The following RSRP1 variants were observed in gnomAD, a reference collection of about 807,000 sequenced individuals.
RSRP1 encodes arginine/serine-rich protein 1.
Under a neutral mutation model 33.0 loss-of-function variants are expected in RSRP1, and 37 were observed. The observed-to-expected ratio is 1.12, with a 90% CI of 0.86 to 1.48. RSRP1 has a LOEUF of 1.48. Ranked by LOEUF, RSRP1 falls within the 40% of genes most tolerant of loss-of-function variation. RSRP1 has a pLI of 0.00. For synonymous variants in RSRP1, 167 were observed against 158.7 expected (o/e 1.05, Z -0.40); for missense variants, 402 against 385.3 (o/e 1.04, Z -0.36).
At chr1:25,259,384 T>C (rs536235708) in intron 1 of RSRP1, among the ~76,000 whole-genome samples, 51 of 152,276 alleles carry the variant, frequency 3.3e-4, no homozygotes, top group Middle Eastern at 6.8e-3. Flanking sequence ...TGAGCCACTG[T>C]GCCCGGCCTT....
intron 1 of RSRP1, among the ~76,000 whole-genome samples, chr1:25,276,555 A>C (rs1641011497): frequency 1.1e-5 from 1 of 88,224 alleles, no homozygotes; most frequent in Admixed American, 1.2e-4. Context: ...AAAAAAAAAA[A>C]CTTTAAAATT....
intron 1 of RSRP1, among the ~76,000 whole-genome samples, chr1:25,261,945 C>T (rs376279299): frequency 6.6e-6 from 1 of 150,924 alleles, no homozygotes; most frequent in Middle Eastern, 3.2e-3. Context: ...CTCCTGACCT[C>T]AAGTGATCCT....
In RSRP1 at chr1:25,242,373, C is replaced by T; in HGVS notation, c.*216G>A. On this transcript the variant is annotated 3_prime_UTR_variant, in exon 5 of 5. Coordinates refer to ENST00000243189, the MANE Select transcript of RSRP1 (RefSeq NM_020317.5). Reference sequence around the variant, plus strand: ...TACAACTATATACAAAAGACTCCCACCTGTGCATAACCTTTGGTCCATCTG... The same window carrying T: ...TACAACTATATACAAAAGACTCCCATCTGTGCATAACCTTTGGTCCATCTG... 1 of 368,808 alleles carries T rather than the reference C, an allele frequency of 2.7e-6. No homozygotes were observed. Among genetic ancestry groups the T allele is most frequent in the Non-Finnish European group, 4.9e-6 (1 of 203,418 alleles). 22.8% of individuals were successfully genotyped at this position (368,808 alleles called of 1,614,324 possible).
At position 25,268,878 on chromosome 1, in the gene RSRP1, G is replaced by A. The variant is rs942698615; in HGVS notation, c.-66-21849C>T. Among the ~76,000 whole-genome samples, 3 of 128,588 alleles carry A rather than the reference G, an allele frequency of 2.3e-5. 1 individual carries two copies. The highest frequency in any genetic ancestry group is 8.0e-5 in the African/African-American group (3 of 37,648). The allele number at this position is 128,588 out of a possible 152,430, so 84.4% of individuals were successfully genotyped here. A position where few individuals can be genotyped will look rare whatever the true frequency, so the allele number is the denominator to read the frequency against. On this transcript the variant is annotated intron_variant, in intron 1 of 1. Coordinates refer to the RSRP1 transcript ENST00000561867. ...CGGGAGAATCACTTGAACCTGGGAG[G>A]TGGAGGTTGCAGTGAGCCGAGATTG...
chr1:25,260,398 ATCTATCAAT>A (rs1420868596), intron 1 of RSRP1, among the ~76,000 whole-genome samples: 1 of 152,224 alleles, frequency 6.6e-6, no homozygotes, highest in African/African-American at 2.4e-5. Flanking sequence ...AAGAGAACCA[ATCTATCAAT>A]TACAAACTCA....
intron 1 of RSRP1, among the ~76,000 whole-genome samples, chr1:25,276,532 T>TAAAAAAAAA (rs557746335): frequency 6.2e-5 from 4 of 64,784 alleles, no homozygotes; most frequent in African/African-American, 2.9e-4. Flanking sequence ...CCCCCATCTC[T>TAAAAAAAAA]AAAAAAAAAA....
chr1:25,256,299 C>A (rs949175192), intron 1 of RSRP1, among the ~76,000 whole-genome samples: 2 of 152,042 alleles, frequency 1.3e-5, no homozygotes, highest in Non-Finnish European at 2.9e-5. Context: ...GGACTACAGG[C>A]ATGCGCCACT....
intron 1 of RSRP1, among the ~76,000 whole-genome samples, chr1:25,311,828 C>A (rs1644165564): frequency 7.6e-6 from 1 of 131,254 alleles, no homozygotes; most frequent in Non-Finnish European, 1.8e-5. Context: ...GCAGCATACA[C>A]ATGGCACTAA....
At chr1:25,257,487 CTTGGAG>C (rs1414236121) in intron 1 of RSRP1, among the ~76,000 whole-genome samples, 1 of 151,660 alleles carries the variant, frequency 6.6e-6, no homozygotes, top group Non-Finnish European at 1.5e-5. Context: ...TCTTAGCAAA[CTTGGAG>C]TTAGAAATGC....
In RSRP1 at chr1:25,282,492, T is replaced by A. The variant is rs1223175288; in HGVS notation, c.-66-35463A>T. Among the ~76,000 whole-genome samples, 10 of 132,096 alleles carry A rather than the reference T, an allele frequency of 7.6e-5. 2 individuals are homozygous for A. Among genetic ancestry groups the A allele is most frequent in the African/African-American group, 2.6e-4 (10 of 38,740 alleles). 86.7% of individuals were successfully genotyped at this position (132,096 alleles called of 152,430 possible). On this transcript the variant is annotated intron_variant, in intron 1 of 1. Coordinates refer to the RSRP1 transcript ENST00000561867. ...TCATGATCTGCCCACCTCATCCTCC[T>A]AAATTGGTATCTTTATATGTCCAAA... is the stretch of plus-strand genomic sequence containing the variant.
rs375047646 is a variant in RSRP1, at chr1:25,303,170, G to A, written c.-67+34808C>T. Reference sequence around the variant, plus strand: ...CATCATGTCCACTGATGAAGGACACGTAGCCCCAACACAGGGGAGAAGTGG... The same window carrying A: ...CATCATGTCCACTGATGAAGGACACATAGCCCCAACACAGGGGAGAAGTGG... On this transcript the variant is annotated intron_variant, in intron 1 of 1. Coordinates refer to the RSRP1 transcript ENST00000561867. 1.6e-5 allele frequency: 14 copies of A among 883,328 alleles called. 1 individual carries two copies. Among genetic ancestry groups the A allele is most frequent in the East Asian group, 1.5e-4 (6 of 40,178 alleles). The allele number at this position is 883,328 out of a possible 1,614,324, so 54.7% of individuals were successfully genotyped here.
chr1:25,255,335 T>C (rs1180850850), intron 1 of RSRP1, among the ~76,000 whole-genome samples: 1 of 152,348 alleles, frequency 6.6e-6, no homozygotes, highest in African/African-American at 2.4e-5. Flanking sequence ...TTTTTGCAAC[T>C]TTGACTCAAC....
At chr1:25,250,727 C>T (rs980889921), upstream of RSRP1, among the ~76,000 whole-genome samples, 1 of 152,052 alleles carries the variant, frequency 6.6e-6, no homozygotes, top group East Asian at 1.9e-4. Flanking sequence ...AATGTAGGGG[C>T]GGGCCAGGCG....
chr1:25,307,522 T>C (rs1643912234), intron 1 of RSRP1: 1 of 520,188 alleles, frequency 1.9e-6, no homozygotes, highest in South Asian at 2.1e-5. Context: ...TATTGACTGC[T>C]TTAAAAGTGT....
chr1:25,293,450 A>G lies in RSRP1; in HGVS notation c.-67+44528T>C, dbSNP rs373540084. Among the ~76,000 whole-genome samples, 12 of 130,384 alleles carry G rather than the reference A, an allele frequency of 9.2e-5. No individual in the cohort carries two copies. The East Asian group carries it at 1.8e-3, about 19-fold the overall frequency. 85.5% of individuals were successfully genotyped at this position (130,384 alleles called of 152,430 possible). On this transcript the variant is annotated intron_variant, in intron 1 of 1. Coordinates refer to the RSRP1 transcript ENST00000561867. ...CATTGTGCGGAAATAACAATTTATT[A>G]CTTATAGTTTTATATTTGTGGACAG... is the stretch of plus-strand genomic sequence containing the variant.
intron 1 of RSRP1, among the ~76,000 whole-genome samples, chr1:25,296,611 C>T (rs1642979903): frequency 7.6e-6 from 1 of 131,312 alleles, no homozygotes; most frequent in Non-Finnish European, 1.8e-5. Context: ...ATTGTAATCC[C>T]CACGTGTTGA....
At chr1:25,336,835 TA>T (rs1645084250) in intron 1 of RSRP1, among the ~76,000 whole-genome samples, 1 of 148,776 alleles carries the variant, frequency 6.7e-6, no homozygotes, top group Non-Finnish European at 1.5e-5. Context: ...CGTGTCCATT[TA>T]AAAACAGGCT....
chr1:25,294,392 A>G, intron 1 of RSRP1: 1 of 764,688 alleles, frequency 1.3e-6, no homozygotes, highest in East Asian at 2.4e-5. Context: ...AAGGATTCAA[A>G]TAAGCAGCCG....
At chr1:25,252,990 T>C (rs1331791219) in intron 1 of RSRP1, 1 of 152,238 alleles carries the variant, frequency 6.6e-6, no homozygotes, top group African/African-American at 2.4e-5. Flanking sequence ...AGTATGTCCA[T>C]CCGTTCCTGA....
Sources: allele counts gnomAD v4.1 joint callset (sites outside exome capture counted in the v4.1 genomes callset), GRCh38; gene constraint gnomAD v4.1.1; transcripts MANE v1.5; gene names NCBI Gene and HGNC (gene_info 2026-07-23, HGNC 2026-07-21).